Variants in MFSD12 observed in about 807,000 individuals in gnomAD.
MFSD12 encodes the protein major facilitator superfamily domain containing 12, also known as major facilitator superfamily domain-containing protein 12.
In MFSD12, 67 loss-of-function variants were observed where a neutral mutation model predicts 51.2. The ratio of observed to expected loss-of-function variants is 1.31; its 90% CI spans 1.08 to 1.60. MFSD12 has a LOEUF of 1.60. Among genes scored for constraint, MFSD12 ranks in the 40% most tolerant of loss-of-function variants. The pLI, the probability that MFSD12 is intolerant of heterozygous loss-of-function variation, is 0.00. For synonymous variants in MFSD12, 441 were observed against 316.7 expected (o/e 1.39, Z -4.17); for missense variants, 921 against 673.0 (o/e 1.37, Z -4.08).
chr19:3,549,020 C>T (rs752144886), intron 2 of MFSD12, among the ~76,000 whole-genome samples: 33 of 152,212 alleles, frequency 2.2e-4, no homozygotes, highest in Non-Finnish European at 4.3e-4. Flanking sequence ...TGGGCACCAG[C>T]TGGGGCCGAG....
chr19:3,541,276 C>T (rs900349279), downstream of MFSD12, among the ~76,000 whole-genome samples: 4 of 151,650 alleles, frequency 2.6e-5, no homozygotes, highest in African/African-American at 9.7e-5. Context: ...GTCAAGGCTG[C>T]AGTGAGCCGA....
chr19:3,554,679 C>G (rs907203987), intron 1 of MFSD12, among the ~76,000 whole-genome samples: 1 of 152,360 alleles, frequency 6.6e-6, no homozygotes, highest in African/African-American at 2.4e-5. Context: ...GTCCTTCCTT[C>G]TGAAGCCCAT....
intron 6 of MFSD12, 115 bp from the exon 7 acceptor site, chr19:3,546,540 C>T (rs1292875457): frequency 8.0e-7 from 1 of 1,253,452 alleles, no homozygotes; most frequent in Non-Finnish European, 1.1e-6. Flanking sequence ...TGGATGGTCC[C>T]TAAGGAGCCC....
downstream of MFSD12, chr19:3,541,474 C>G (rs943459317): frequency 3.1e-5 from 5 of 163,274 alleles, no homozygotes; most frequent in East Asian, 2.0e-4. Context: ...AGGCACCCAC[C>G]ACCACGCCCG....
At position 3,551,857 on chromosome 19, in the gene MFSD12, A is replaced by G. The variant is rs1385946212; in HGVS notation, c.299-663T>C. 2.6e-5 allele frequency among the ~76,000 whole-genome samples: 4 copies of G among 151,898 alleles called. No homozygotes were observed. The highest frequency in any genetic ancestry group is 5.9e-5 in the Non-Finnish European group (4 of 67,968). ...TCTCTCCCCCTTCTCTCTCTGCTCC[A>G]GCCATGCAGGTCTCCTCACTGCAGG... On this transcript the variant is annotated intron_variant, in intron 1 of 9. Coordinates refer to ENST00000355415, the MANE Select transcript of MFSD12 (RefSeq NM_174983.5). This position sits in a 1 kb window ranked among gnomAD's most constrained non-coding sequence, Gnocchi z 4.6.
chr19:3,552,438 G>A lies in MFSD12; in HGVS notation c.299-1244C>T, dbSNP rs113828692. On this transcript the variant is annotated intron_variant, in intron 1 of 9. Coordinates refer to ENST00000355415, the MANE Select transcript of MFSD12 (RefSeq NM_174983.5). ...CCGCCTCGGCCTCTCAAAGTGCTGG[G>A]ATTACAGGCGTGAGCCACCGCGCCC... 7.3e-3 allele frequency among the ~76,000 whole-genome samples: 1,062 copies of A among 146,312 alleles called. 8 individuals carry two copies. The highest frequency in any genetic ancestry group is 0.011 in the Admixed American group (166 of 14,480).
chr19:3,546,420 G>C lies in MFSD12; in HGVS notation c.1029C>G (p.Thr343=), dbSNP rs747076391. 1.3e-5 allele frequency: 21 copies of C among 1,604,800 alleles called. No individual in the cohort carries two copies. The highest frequency in any genetic ancestry group is 5.1e-5 in the Admixed American group (3 of 58,804). Residue 343 remains threonine, a synonymous_variant, in exon 7 of 10, where the codon ACC becomes ACG. Transcript: ENST00000355415. ...PINKCIGRNM[T]YFSGLLVILA... is the part of the protein sequence containing the mutation. ...GGATCACCAGGAGGCCTGAGAAGTA[G>C]GTCATCTGCAGGGACAGCCCCGGGG...
downstream of MFSD12, chr19:3,543,050 C>A (rs2030560701): frequency 6.2e-7 from 1 of 1,603,784 alleles, no homozygotes; most frequent in Non-Finnish European, 8.5e-7. Context: ...GAGTCAGCCT[C>A]TCTCCTCAAG....
At position 3,546,376 on chromosome 19, in the gene MFSD12, A is replaced by C. The variant is rs751124891; in HGVS notation, c.1073T>G (p.Val358Gly). Residue 358 changes from valine to glycine, a missense_variant, in exon 7 of 10, where the codon GTG (valine) becomes GGG (glycine). By Grantham distance (109) the Val-to-Gly change is moderately radical (BLOSUM62 -3). Transcript: ENST00000355415. ...LLVILAFAAWVALAEGLGVAV... is the reference protein window; with the variant it reads ...LLVILAFAAWGALAEGLGVAV... Reference sequence around the variant, plus strand: ...CACACCCAGTCCCTCCGCCAGCGCCACCCAGGCGGCAAAGGCCAGGATCAC... The same window carrying C: ...CACACCCAGTCCCTCCGCCAGCGCCCCCCAGGCGGCAAAGGCCAGGATCAC... 3.7e-6 allele frequency: 6 copies of C among 1,608,236 alleles called. No individual in the cohort carries two copies. The African/African-American group carries it at 8.0e-5, about 21-fold the overall frequency.
At chr19:3,542,986 A>G (rs2094452359), downstream of MFSD12, 3 of 1,579,174 alleles carry the variant, frequency 1.9e-6, no homozygotes, top group Non-Finnish European at 2.6e-6. Flanking sequence ...AGCTGAGAAC[A>G]GAAAGGTTTA....
chr19:3,556,588 C>A (rs908157346), intron 1 of MFSD12, among the ~76,000 whole-genome samples: 5 of 141,836 alleles, frequency 3.5e-5, no homozygotes, highest in African/African-American at 1.4e-4. Context: ...ACAGCACAGT[C>A]AGACGGGGGA....
At chr19:3,543,236 G>A (rs73920156), downstream of MFSD12, 89 of 1,542,728 alleles carry the variant, frequency 5.8e-5, 1 homozygote, top group Admixed American at 9.8e-5. Flanking sequence ...CACCCTCAGC[G>A]ATGACTACCT....
chr19:3,543,374 G>A (rs1260388711), downstream of MFSD12: 5 of 1,549,240 alleles, frequency 3.2e-6, no homozygotes, highest in East Asian at 9.8e-5. Context: ...CGCCTGGGAA[G>A]CCTGGTACAA....
Position 3,544,289 on chromosome 19 carries a change from A to T in MFSD12, c.*421T>A. The T allele has an allele frequency of 7.8e-7, 1 of 1,284,316 alleles. No individual in the cohort carries two copies. The highest frequency in any genetic ancestry group is 2.6e-5 in the South Asian group (1 of 38,816). 79.6% of individuals were successfully genotyped at this position (1,284,316 alleles called of 1,614,324 possible). On this transcript the variant is annotated 3_prime_UTR_variant, in exon 10 of 10. Transcript: ENST00000355415. ...CCACGGTGGGGTCCAGGCCCAGCCC[A>T]CCACCCCGTGGCTGTCTCCTCCAGG...
Position 3,548,131 on chromosome 19 carries a change from C to T in MFSD12, c.646G>A (p.Val216Met), listed in dbSNP as rs376277647. ...CCCGGACTCCAGCTCACCCGGAACA[C>T]GGGCACGTCCTGGCCCCCCAGCTGG... The part of the protein sequence containing the change: ...SDQLGGQDVP[V>M]FRNLSLLVVG... Residue 216 changes from valine (V) to methionine (M), a missense_variant, in exon 3 of 10, where the codon GTG becomes ATG. Val to Met is a conservative substitution (Grantham distance 21). Coordinates refer to ENST00000355415, the MANE Select transcript of MFSD12 (RefSeq NM_174983.5). 4.6e-5 allele frequency: 74 copies of T among 1,606,790 alleles called. No individual in the cohort carries two copies. Among genetic ancestry groups the T allele is most frequent in the Middle Eastern group, 1.7e-4 (1 of 6,048 alleles).
At chr19:3,540,565 C>A (rs2030303655), downstream of MFSD12, among the ~76,000 whole-genome samples, 1 of 151,242 alleles carries the variant, frequency 6.6e-6, no homozygotes, top group East Asian at 2.0e-4. Flanking sequence ...TGTGAGACCC[C>A]ATCTCTATAA....
chr19:3,546,732 G>T (rs1435126647), intron 6 of MFSD12, among the ~76,000 whole-genome samples: 1 of 152,258 alleles, frequency 6.6e-6, no homozygotes, highest in Non-Finnish European at 1.5e-5. Flanking sequence ...GCCCTCAGTA[G>T]CTGCACAGGG....
downstream of MFSD12, chr19:3,543,210 G>T: frequency 6.5e-7 from 1 of 1,537,450 alleles, no homozygotes; most frequent in Non-Finnish European, 8.7e-7. Context: ...CATGGGCTCA[G>T]TCTCTGCCCC....
Position 3,547,881 on chromosome 19 carries a change from C to T in MFSD12, c.804G>A (p.Trp268Ter), listed in dbSNP as rs1257339219. 2 of 1,545,344 alleles carry T rather than the reference C, an allele frequency of 1.3e-6. No individual in the cohort carries two copies. The highest frequency in any genetic ancestry group is 2.4e-5 in the South Asian group (2 of 82,398). Residue 268 changes from tryptophan to a stop codon, truncating the protein, a stop_gained, in exon 4 of 10, where the codon TGG becomes TGA. Transcript: ENST00000355415. LOFTEE classifies it high-confidence loss of function. The stretch of plus-strand genomic sequence containing the variant: ...AAGCCGGCTCCCGGAGCCAGTGCTT[C>T]CAGAGCAGCAGGGGCTGGGCCGTGG... ...APATAQPLLL[W>*]KHWLREPAFY...
Sources: gnomAD v4.1 joint callset for allele counts (sites outside exome capture counted in the v4.1 genomes callset) on GRCh38, gnomAD v4.1.1 for gene constraint, Gnocchi (gnomAD v3.1) non-coding constraint, MANE v1.5 for transcripts, NCBI Gene and HGNC (gene_info 2026-07-23, HGNC 2026-07-21) for gene names.